GYPB: variants seen among roughly 807,000 people sequenced by gnomAD.
The protein encoded by GYPB is glycophorin B (MNS blood group), also known as glycophorin-B.
GYPB carries 13 observed loss-of-function variants against 15.3 expected under a neutral mutation model. The ratio of observed to expected loss-of-function variants is 0.85; its 90% CI spans 0.55 to 1.35. The LOEUF is 1.35. Ranked by LOEUF, GYPB falls within the 40% of genes most tolerant of loss-of-function variation. GYPB has a pLI of 0.00. For synonymous variants in GYPB, 38 were observed against 36.9 expected (o/e 1.03, Z -0.11); for missense variants, 131 against 108.3 (o/e 1.21, Z -0.93).
chr4:144,009,544 G>C (rs147652361), intron 1 of GYPB, among the ~76,000 whole-genome samples: 1,935 of 143,176 alleles, frequency 0.014, 130 homozygotes, highest in African/African-American at 0.048. Flanking sequence ...GTGGGCAGTA[G>C]AATTTGAATT....
intron 2 of GYPB, chr4:144,000,210 G>T (rs1175828613): frequency 4.6e-5 from 8 of 173,242 alleles, no homozygotes; most frequent in Admixed American, 1.3e-4. Context: ...ATTGGGGCTT[G>T]CCTTCTCTTT....
chr4:144,013,435 C>T (rs1296698522), intron 1 of GYPB, among the ~76,000 whole-genome samples: 2 of 151,204 alleles, frequency 1.3e-5, no homozygotes, highest in African/African-American at 4.9e-5. Context: ...ACCCAAAGGA[C>T]CATAAATCAT....
At chr4:144,011,356 G>A (rs898424158) in intron 1 of GYPB, among the ~76,000 whole-genome samples, 6 of 151,432 alleles carry the variant, frequency 4.0e-5, no homozygotes, top group Non-Finnish European at 7.3e-5. Context: ...CTCCAGCCTG[G>A]GCGACAGAAC....
At position 143,997,592 on chromosome 4, in the gene GYPB, C is replaced by A; in HGVS notation, c.218G>T (p.Gly73Val). The A allele has an allele frequency of 1.9e-6, 3 of 1,598,520 alleles. No individual in the cohort carries two copies. The highest frequency in any genetic ancestry group is 2.6e-6 in the Non-Finnish European group (3 of 1,168,180). ...AATTAAGAGGATCGTTCCAATAATA[C>A]CAGCCATCACACACAAAATAATGAG... ...IILIILCVMA[G>V]IIGTILLISY... Residue 73 changes from glycine (G) to valine (V), a missense_variant, in exon 4 of 5, where the codon GGT becomes GTT. By Grantham distance (109) the Gly-to-Val change is moderately radical. Transcript: ENST00000502664.
chr4:144,003,202 G>T (rs1727716101), intron 1 of GYPB, among the ~76,000 whole-genome samples: 1 of 151,400 alleles, frequency 6.6e-6, no homozygotes, highest in African/African-American at 2.5e-5. Context: ...ATAAATGTTA[G>T]ATATGAGCTT....
At chr4:143,995,488 A>G (rs189243399), downstream of GYPB, among the ~76,000 whole-genome samples, 1 of 151,348 alleles carries the variant, frequency 6.6e-6, no homozygotes, top group Admixed American at 6.5e-5. Context: ...CGTGCTGCAC[A>G]TTGGGACCCC....
At chr4:144,009,962 G>C (rs1311855262) in intron 1 of GYPB, among the ~76,000 whole-genome samples, 1 of 151,032 alleles carries the variant, frequency 6.6e-6, no homozygotes, top group African/African-American at 2.5e-5. Context: ...TTTGTAACTT[G>C]TAAGGTATAC....
Position 144,001,229 on chromosome 4 carries a change from G to A in GYPB, c.92C>T (p.Thr31Ile), listed in dbSNP as rs1055785190. ...STTEVAMHTSTSSSVTKSYIS... is the reference protein window; with the variant it reads ...STTEVAMHTSISSSVTKSYIS... ...GTAACTCTTTGTGACTGAAGAAGAGGTTGAAGTGTGCATTGCCACCTCAGT... is the reference window on the plus strand; with the variant it reads ...GTAACTCTTTGTGACTGAAGAAGAGATTGAAGTGTGCATTGCCACCTCAGT... Residue 31 changes from threonine (T) to isoleucine (I), a missense_variant, in exon 2 of 5, where the codon ACC (threonine) becomes ATC (isoleucine). Thr to Ile is a moderately conservative substitution (Grantham distance 89). Coordinates refer to ENST00000502664, the MANE Select transcript of GYPB (RefSeq NM_002100.6). The A allele has an allele frequency of 1.9e-6, 3 of 1,612,882 alleles. No individual in the cohort carries two copies. The highest frequency in any genetic ancestry group is 2.5e-6 in the Non-Finnish European group (3 of 1,179,816).
intron 1 of GYPB, among the ~76,000 whole-genome samples, chr4:144,017,167 A>G (rs1186617874): frequency 6.6e-6 from 1 of 150,772 alleles, no homozygotes; most frequent in Non-Finnish European, 1.5e-5. Context: ...CTGACATGTA[A>G]TGACTGAATC....
intron 1 of GYPB, among the ~76,000 whole-genome samples, chr4:144,016,368 C>A (rs1728500857): frequency 6.7e-6 from 1 of 149,668 alleles, no homozygotes; most frequent in African/African-American, 2.5e-5. Context: ...TCCCTTCTTG[C>A]CTCCCTCTCT....
chr4:143,996,184 A>C lies in GYPB; in HGVS notation c.*115T>G. The C allele has an allele frequency of 1.3e-6, 2 of 1,539,730 alleles. No homozygotes were observed. The highest frequency in any genetic ancestry group is 3.9e-5 in the Admixed American group (2 of 50,680). On this transcript the variant is annotated 3_prime_UTR_variant, in exon 5 of 5. Coordinates refer to ENST00000502664, the MANE Select transcript of GYPB (RefSeq NM_002100.6). ...AGGCAGGAGAACAGGGAATTAGGAT[A>C]GCCAGGGGTAGGGGCATAAGCAAAG...
Position 144,008,269 on chromosome 4 carries a change from G to T in GYPB, c.38-6986C>A, listed in dbSNP as rs547515994. The T allele has an allele frequency of 2.7e-3, 1,117 of 408,446 alleles. 4 individuals carry two copies. The highest frequency in any genetic ancestry group is 4.1e-3 in the Non-Finnish European group (836 of 203,122). 25.3% of individuals were successfully genotyped at this position (408,446 alleles called of 1,614,324 possible). A position where few individuals can be genotyped will look rare whatever the true frequency, so the allele number is the denominator to read the frequency against. On this transcript the variant is annotated intron_variant, in intron 1 of 4. Transcript: ENST00000502664. Reference sequence around the variant, plus strand: ...TCTATGTAGCAGAAAGAGAATGAGGGAATCAAGTAAGTTGTCATTGAGAGA... The same window carrying T: ...TCTATGTAGCAGAAAGAGAATGAGGTAATCAAGTAAGTTGTCATTGAGAGA...
intron 1 of GYPB, among the ~76,000 whole-genome samples, chr4:144,011,776 A>G (rs368970220): frequency 2.6e-5 from 4 of 151,192 alleles, no homozygotes; most frequent in African/African-American, 7.4e-5. Context: ...ATTCCCATAC[A>G]CTCATTTTGA....
At chr4:144,005,892 G>T (rs540439356) in intron 1 of GYPB, among the ~76,000 whole-genome samples, 2 of 151,620 alleles carry the variant, frequency 1.3e-5, no homozygotes, top group African/African-American at 4.9e-5. Context: ...GAGGAGGAGG[G>T]ATAAAGAAAT....
At chr4:143,997,368 C>CA (rs5862679) in intron 4 of GYPB, 172 bp downstream of exon 4, 21,925 of 410,742 alleles carry the variant, frequency 0.053, 85 homozygotes, top group East Asian at 0.12. Flanking sequence ...TGGGCAAATG[C>CA]AAAAAAAAAA....
chr4:144,015,612 C>G (rs186959847), intron 1 of GYPB, among the ~76,000 whole-genome samples: 1,545 of 151,436 alleles, frequency 0.01, 117 homozygotes, highest in African/African-American at 0.036. Flanking sequence ...GAATGTGAAG[C>G]TAAATTTCCT....
At chr4:144,018,771 A>G (rs902180484) in intron 1 of GYPB, among the ~76,000 whole-genome samples, 8 of 150,948 alleles carry the variant, frequency 5.3e-5, no homozygotes, top group African/African-American at 9.9e-5. Flanking sequence ...TAATGGACCC[A>G]CAGAGAAGCA....
chr4:144,014,687 G>A (rs975906652), intron 1 of GYPB, among the ~76,000 whole-genome samples: 1 of 151,348 alleles, frequency 6.6e-6, no homozygotes, highest in Non-Finnish European at 1.5e-5. Context: ...AAAATGTTCT[G>A]GAACTAGATA....
intron 1 of GYPB, among the ~76,000 whole-genome samples, chr4:144,004,764 A>T (rs1252716165): frequency 1.4e-4 from 21 of 151,868 alleles, no homozygotes; most frequent in Non-Finnish European, 3.1e-4. Flanking sequence ...CAGCTCACAC[A>T]ACTACTTGGC....
Sources: allele counts gnomAD v4.1 joint callset (sites outside exome capture counted in the v4.1 genomes callset), GRCh38; gene constraint gnomAD v4.1.1; transcripts MANE v1.5; gene names NCBI Gene and HGNC (gene_info 2026-07-23, HGNC 2026-07-21).